The following SLMAP variants were observed in gnomAD, a reference collection of about 807,000 sequenced individuals.
SLMAP encodes sarcolemma associated protein.
Under a neutral mutation model 128.8 loss-of-function variants are expected in SLMAP, and 44 were observed. The ratio of observed to expected loss-of-function variants is 0.34; its 90% CI spans 0.27 to 0.44. The LOEUF (loss-of-function observed/expected upper bound fraction) is 0.44. SLMAP is among the 20% of genes least tolerant of loss of function. The probability of loss-of-function intolerance (pLI) is 1.00; values close to 1 mark genes in which losing one functional copy is unlikely to be tolerated. For missense variants in SLMAP, 787 were observed against 985.3 expected (o/e 0.80, Z 2.69); for synonymous variants, 327 against 348.8 (o/e 0.94, Z 0.70).
chr3:57,863,215 AG>A (rs1441770526), intron 10 of SLMAP, among the ~76,000 whole-genome samples: 1 of 152,170 alleles, frequency 6.6e-6, no homozygotes, highest in African/African-American at 2.4e-5. Context: ...ATCTAGGATA[AG>A]GACAGATCAG....
In SLMAP at chr3:57,851,444, A is replaced by G. The variant is rs555200458; in HGVS notation, c.519+1628A>G. 4.0e-5 allele frequency among the ~76,000 whole-genome samples: 6 copies of G among 149,888 alleles called. No homozygotes were observed. In the South Asian group the frequency reaches 1.3e-3, roughly 32 times the overall value. ...CATGGTTAAAGAAAACTCCTGGATC[A>G]GGAGATTAGAGACTGAGGTATTTTT... On this transcript the variant is annotated intron_variant, in intron 6 of 24. Coordinates refer to ENST00000671191, the MANE Select transcript of SLMAP (RefSeq NM_001377540.1).
At position 57,876,164 on chromosome 3, in the gene SLMAP, C is replaced by T. The variant is rs746378405; in HGVS notation, c.1300+4466C>T. 7.9e-5 allele frequency among the ~76,000 whole-genome samples: 12 copies of T among 152,274 alleles called. No homozygotes were observed. The South Asian group carries it at 2.3e-3, about 29-fold the overall frequency. ...ACCTTGTGTTTTAAAAATTAGAAAG[C>T]AAATCATTTATTTCCATAAGGTTTT... On this transcript the variant is annotated intron_variant, in intron 14 of 24. Coordinates refer to ENST00000671191, the MANE Select transcript of SLMAP (RefSeq NM_001377540.1).
chr3:57,852,779 A>G (rs531495913), intron 6 of SLMAP, among the ~76,000 whole-genome samples: 2 of 152,336 alleles, frequency 1.3e-5, no homozygotes, highest in Admixed American at 6.5e-5. Context: ...CATCGTGGAT[A>G]GCAAATCTCA....
intron 18 of SLMAP, among the ~76,000 whole-genome samples, chr3:57,908,443 T>C (rs73834746): frequency 2.2e-3 from 331 of 152,324 alleles, no homozygotes; most frequent in African/African-American, 7.9e-3. Flanking sequence ...AGTAACTACC[T>C]GGTTGCAGAC....
chr3:57,855,363 G>A (rs921634374), intron 6 of SLMAP, among the ~76,000 whole-genome samples: 12 of 151,936 alleles, frequency 7.9e-5, no homozygotes, highest in African/African-American at 2.9e-4. Flanking sequence ...GGATGACAGA[G>A]CAAGGCTCTG....
intron 14 of SLMAP, among the ~76,000 whole-genome samples, chr3:57,874,079 C>T (rs541808004): frequency 1.3e-5 from 2 of 152,110 alleles, no homozygotes; most frequent in Non-Finnish European, 2.9e-5. Context: ...GCCAAGATCG[C>T]ACCACTGCAC....
intron 3 of SLMAP, among the ~76,000 whole-genome samples, chr3:57,836,312 T>TTTA (rs1019411775): frequency 1.3e-5 from 2 of 152,080 alleles, no homozygotes; most frequent in Non-Finnish European, 2.9e-5. Context: ...ATGTAGGACA[T>TTTA]TTATGTATTT....
chr3:57,811,194 T>C (rs767957149), intron 2 of SLMAP, among the ~76,000 whole-genome samples: 1 of 152,216 alleles, frequency 6.6e-6, no homozygotes, highest in Non-Finnish European at 1.5e-5. Flanking sequence ...CCATAACTCT[T>C]TTCATCTTGT....
chr3:57,831,401 A>G lies in SLMAP; in HGVS notation c.217A>G (p.Lys73Glu). 6.4e-7 allele frequency: 1 copy of G among 1,551,812 alleles called. No homozygotes were observed. Among genetic ancestry groups the G allele is most frequent in the Non-Finnish European group, 8.7e-7 (1 of 1,148,514 alleles). The change falls in exon 3 of 25, where the codon AAA becomes GAA. Residue 73 changes from lysine (K) to glutamate (E), a missense_variant. Lys to Glu is a moderately conservative substitution (Grantham distance 56). Transcript: ENST00000671191. Reference sequence around the variant, plus strand: ...TTTGCAGTTTTATCTTCAAGACACTAAAAGTAGTAATGGTACTTTTATAAA... The same window carrying G: ...TTTGCAGTTTTATCTTCAAGACACTGAAAGTAGTAATGGTACTTTTATAAA... Reference protein sequence around the residue: ...KTGKFYLQDTKSSNGTFINSQ... With the variant: ...KTGKFYLQDTESSNGTFINSQ...
At position 57,907,724 on chromosome 3, in the gene SLMAP, A is replaced by G. The variant is rs2096603650; in HGVS notation, c.1502-160A>G. ...ATAACTGTATTTGTATTTTCTCCCA[A>G]CTACTAAAATGCTTACTATAATTTG... On this transcript the variant is annotated intron_variant, in intron 17 of 24. Coordinates refer to ENST00000671191, the MANE Select transcript of SLMAP (RefSeq NM_001377540.1). Among the ~76,000 whole-genome samples the G allele has an allele frequency of 2.0e-5, 3 of 152,222 alleles. No individual in the cohort carries two copies. The South Asian group carries it at 6.2e-4, about 32-fold the overall frequency.
chr3:57,890,276 G>A, intron 15 of SLMAP, 176 bp downstream of exon 15: 1 of 515,902 alleles, frequency 1.9e-6, no homozygotes, highest in Non-Finnish European at 3.4e-6. Flanking sequence ...TTTTAAGAAG[G>A]GTATCGTAAC....
chr3:57,780,494 G>A (rs561843550), intron 2 of SLMAP, among the ~76,000 whole-genome samples: 2 of 151,972 alleles, frequency 1.3e-5, no homozygotes, highest in Non-Finnish European at 2.9e-5. Flanking sequence ...TACTAATAAA[G>A]CATGAAATAT....
intron 2 of SLMAP, among the ~76,000 whole-genome samples, chr3:57,811,999 C>T (rs1267187629): frequency 6.6e-6 from 1 of 152,128 alleles, no homozygotes; most frequent in Non-Finnish European, 1.5e-5. Context: ...GTATGATTTG[C>T]AAATATTTTC....
chr3:57,844,222 G>A (rs138686984), intron 4 of SLMAP, among the ~76,000 whole-genome samples: 2,515 of 152,004 alleles, frequency 0.017, 43 homozygotes, highest in Middle Eastern at 0.031. Context: ...GCAAAACCCC[G>A]TCTCTACTAA....
At chr3:57,765,334 A>G (rs1331679106) in intron 2 of SLMAP, among the ~76,000 whole-genome samples, 4 of 152,180 alleles carry the variant, frequency 2.6e-5, no homozygotes. Flanking sequence ...CCAGGAGTTC[A>G]AGGCTATAGT....
intron 2 of SLMAP, among the ~76,000 whole-genome samples, chr3:57,785,106 T>C (rs967444488): frequency 1.3e-5 from 2 of 152,190 alleles, no homozygotes; most frequent in African/African-American, 2.4e-5. Flanking sequence ...GTATTTCAGC[T>C]ATAGAATAAA....
intron 2 of SLMAP, among the ~76,000 whole-genome samples, chr3:57,816,122 CGTTTGT>C (rs2091821624): frequency 6.7e-6 from 1 of 149,352 alleles, no homozygotes; most frequent in African/African-American, 2.5e-5. Flanking sequence ...GAATTTAAAC[CGTTTGT>C]GTTTGTTTGT....
intron 2 of SLMAP, 100 bp from the exon 3 acceptor site, chr3:57,831,283 T>C (rs1187695879): frequency 1.5e-5 from 12 of 775,680 alleles, no homozygotes; most frequent in African/African-American, 3.9e-5. Flanking sequence ...AAAAATTCAC[T>C]TGCAATAGTT....
intron 14 of SLMAP, among the ~76,000 whole-genome samples, chr3:57,875,430 G>A (rs569284029): frequency 1.3e-5 from 2 of 152,226 alleles, no homozygotes; most frequent in South Asian, 2.1e-4. Flanking sequence ...CAGGAGGATC[G>A]CTTAAACCCA....
Sources: gnomAD v4.1 joint callset for allele counts (sites outside exome capture counted in the v4.1 genomes callset) on GRCh38, gnomAD v4.1.1 for gene constraint, MANE v1.5 for transcripts, NCBI Gene and HGNC (gene_info 2026-07-23, HGNC 2026-07-21) for gene names.